The following RAD51C variants were observed in gnomAD, a reference collection of about 807,000 sequenced individuals.
The protein encoded by RAD51C is RAD51 paralog C.
RAD51C carries 42 observed loss-of-function variants against 45.0 expected under a neutral mutation model. That is an observed-to-expected ratio of 0.93 (90% confidence interval 0.73 to 1.21). RAD51C has a LOEUF of 1.21. Among genes scored for constraint, RAD51C ranks in the 50% most tolerant of loss-of-function variants. The probability of loss-of-function intolerance (pLI) is 0.00; values close to 1 mark genes in which losing one functional copy is unlikely to be tolerated. For missense variants in RAD51C, 474 were observed against 452.2 expected, an observed-to-expected ratio of 1.05 and a Z score of -0.44; for synonymous variants, 172 against 159.8, an observed-to-expected ratio of 1.08 and a Z score of -0.58.
Position 58,692,800 on chromosome 17 carries a change from T to G in RAD51C, c.145+12T>G, listed in dbSNP as rs377297129. 2.0e-4 allele frequency: 321 copies of G among 1,614,170 alleles called. No individual in the cohort carries two copies. The highest frequency in any genetic ancestry group is 2.5e-4 in the Non-Finnish European group (300 of 1,180,022). On this transcript the variant is annotated intron_variant, in intron 1 of 8. Transcript: ENST00000337432. ...CGAGCTTAGCAAAGGTAACGACTCC[T>G]GATGGCAAGCTGAGGCACACCGGCC...
rs372455350 is a variant in RAD51C at position 58,732,579 on chromosome 17, T to C, written c.1026+35T>C. 58 of 1,564,334 alleles carry C rather than the reference T, an allele frequency of 3.7e-5. No homozygotes were observed. The highest frequency in any genetic ancestry group is 5.4e-5 in the African/African-American group (4 of 73,870). ...ATTTGATTAGAGTGGGATTTTGATA[T>C]TGATGGGCGGTAATTATCTAAAGAG... is the stretch of plus-strand genomic sequence containing the variant. On this transcript the variant is annotated intron_variant, in intron 8 of 8. Transcript: ENST00000337432.
At position 58,694,939 on chromosome 17, in the gene RAD51C, A is replaced by T. The variant is rs730881927; in HGVS notation, c.154A>T (p.Ile52Leu). The change falls in exon 2 of 9, where the codon ATA (isoleucine) becomes TTA (leucine). Residue 52 changes from isoleucine (I) to leucine (L), a missense_variant. Physicochemically the swap from Ile to Leu is conservative, Grantham distance 5. Coordinates refer to ENST00000337432, the MANE Select transcript of RAD51C (RefSeq NM_058216.3). ...KPSELSKEVG[I>L]SKAEALETLQ... ...TCTTATTTTACTTTCAGAAGTTGGG[A>T]TATCTAAAGCAGAAGCCTTAGAAAC... 6.2e-7 allele frequency: 1 copy of T among 1,612,918 alleles called. No homozygotes were observed. The highest frequency in any genetic ancestry group is 8.5e-7 in the Non-Finnish European group (1 of 1,178,972).
chr17:58,696,889 T>C, intron 3 of RAD51C, 30 bp downstream of exon 3: 7 of 1,610,092 alleles, frequency 4.3e-6, no homozygotes, highest in Non-Finnish European at 6.0e-6. Flanking sequence ...TCTTTTTTTC[T>C]GTATTAATAA....
At chr17:58,694,784 A>C in intron 1 of RAD51C, 147 bp from the exon 2 acceptor site, 1 of 895,562 alleles carries the variant, frequency 1.1e-6, no homozygotes, top group Non-Finnish European at 1.8e-6. Flanking sequence ...CAAACTGAAA[A>C]ATTAAATGGT....
chr17:58,696,374 A>G (rs1045374024), intron 2 of RAD51C, among the ~76,000 whole-genome samples: 1 of 152,216 alleles, frequency 6.6e-6, no homozygotes, highest in African/African-American at 2.4e-5. Flanking sequence ...CGGAGCTTGC[A>G]GTGAGCCTGG....
At chr17:58,725,004 C>T (rs760763528) in intron 7 of RAD51C, among the ~76,000 whole-genome samples, 19 of 152,136 alleles carry the variant, frequency 1.2e-4, no homozygotes, top group Non-Finnish European at 1.6e-4. Context: ...TTAGGTTTTA[C>T]GGACCTGAAG....
intron 5 of RAD51C, among the ~76,000 whole-genome samples, chr17:58,712,364 A>C (rs1489652085): frequency 3.4e-5 from 5 of 147,116 alleles, no homozygotes; most frequent in African/African-American, 1.2e-4. Flanking sequence ...AAAAAAAAAA[A>C]AGAAATTTTA....
chr17:58,693,058 GC>G (rs2047843193), intron 1 of RAD51C: 1 of 479,102 alleles, frequency 2.1e-6, no homozygotes, highest in African/African-American at 2.0e-5. Context: ...CCCTCAACCC[GC>G]TTACGTAGAT....
chr17:58,733,483 A>C lies in RAD51C; in HGVS notation c.1027-635A>C, dbSNP rs559345214. Among the ~76,000 whole-genome samples, 4 of 152,326 alleles carry C rather than the reference A, an allele frequency of 2.6e-5. No homozygotes were observed. The South Asian group carries it at 8.3e-4, about 32-fold the overall frequency. On this transcript the variant is annotated intron_variant, in intron 8 of 8. Transcript: ENST00000337432. ...TTTAGAGTATTTAATTATGAAAATA[A>C]ATCTGTAAAGTACCTAAGACTTAGG...
intron 3 of RAD51C, among the ~76,000 whole-genome samples, chr17:58,699,198 G>T (rs1468593743): frequency 6.6e-6 from 1 of 151,874 alleles, no homozygotes; most frequent in Non-Finnish European, 1.5e-5. Context: ...AGCAGAGATG[G>T]AGTTTCACCA....
chr17:58,692,594 G>T, upstream of RAD51C: 2 of 1,611,146 alleles, frequency 1.2e-6, no homozygotes, highest in Non-Finnish European at 8.5e-7. Context: ...GCACGCCCCA[G>T]CGAGGGCGTG....
chr17:58,711,595 A>C (rs1227938721), intron 5 of RAD51C, among the ~76,000 whole-genome samples: 1 of 151,778 alleles, frequency 6.6e-6, no homozygotes, highest in Non-Finnish European at 1.5e-5. Context: ...CTAGTAGCTG[A>C]GACTAGAGGC....
chr17:58,700,662 G>A (rs910006332), intron 3 of RAD51C, among the ~76,000 whole-genome samples: 1 of 151,680 alleles, frequency 6.6e-6, no homozygotes, highest in East Asian at 2.0e-4. Context: ...GGATGGTCTC[G>A]ATCTCCTGAC....
At chr17:58,693,063 C>T (rs955826745) in intron 1 of RAD51C, 2 of 465,916 alleles carry the variant, frequency 4.3e-6, no homozygotes, top group Non-Finnish European at 7.9e-6. Context: ...AACCCGCTTA[C>T]GTAGATTATT....
intron 5 of RAD51C, 53 bp from the exon 6 acceptor site, chr17:58,720,693 C>T: frequency 7.1e-7 from 1 of 1,399,482 alleles, no homozygotes; most frequent in Non-Finnish European, 1.0e-6. Context: ...GACTGGTCTA[C>T]TTGATAATTT....
At chr17:58,733,922 T>C (rs1180754086) in intron 8 of RAD51C, among the ~76,000 whole-genome samples, 196 bp from the exon 9 acceptor site, 1 of 152,148 alleles carries the variant, frequency 6.6e-6, no homozygotes, top group Non-Finnish European at 1.5e-5. Context: ...GTCACCATGT[T>C]GGCCAGGCTG....
chr17:58,720,925 T>C (rs1236579980), intron 6 of RAD51C, 113 bp downstream of exon 6: 3 of 872,298 alleles, frequency 3.4e-6, no homozygotes, highest in Non-Finnish European at 5.5e-6. Context: ...TTTGTCTTGT[T>C]CACTGGTTAA....
intron 2 of RAD51C, among the ~76,000 whole-genome samples, chr17:58,696,213 A>T (rs1008224244): frequency 1.3e-5 from 2 of 152,158 alleles, no homozygotes; most frequent in African/African-American, 4.8e-5. Context: ...CAGGCAGATC[A>T]TGAGGTCAGG....
chr17:58,698,178 ATT>A lies in RAD51C; in HGVS notation c.571+1340_571+1341del, dbSNP rs34731311. ...AGGCATGTGTTACCATGCCCAGCTAATTTTTTTTTTTTTTTTTTTTTTGAGAC... is the reference window on the plus strand; with the variant it reads ...AGGCATGTGTTACCATGCCCAGCTAATTTTTTTTTTTTTTTTTTTTGAGAC... On this transcript the variant is annotated intron_variant, in intron 3 of 8. Coordinates refer to ENST00000337432, the MANE Select transcript of RAD51C (RefSeq NM_058216.3). Among the ~76,000 whole-genome samples, 107 of 116,120 alleles carry A rather than the reference ATT, an allele frequency of 9.2e-4. 1 individual carries two copies. In the East Asian group the frequency reaches 9.7e-3, roughly 11 times the overall value. 76.2% of individuals were successfully genotyped at this position (116,120 alleles called of 152,430 possible).
Sources: allele counts gnomAD v4.1 joint callset (sites outside exome capture counted in the v4.1 genomes callset), GRCh38; gene constraint gnomAD v4.1.1; transcripts MANE v1.5; gene names NCBI Gene and HGNC (gene_info 2026-07-23, HGNC 2026-07-21).